GARIN5B: variants seen among roughly 807,000 people sequenced by gnomAD.
GARIN5B encodes Golgi-associated RAB2 interactor protein 5B.
At chr19:55,361,936 C>G in the GARIN5B span, among the ~76,000 whole-genome samples, 4 of 148,328 alleles carry the variant, frequency 2.7e-5, no homozygotes, top group Admixed American at 1.3e-4. Context: ...CCCCCAGTCC[C>G]TCCTCCCTCA....
chr19:55,362,199 G>A, the GARIN5B span: 2 of 1,472,038 alleles, frequency 1.4e-6, no homozygotes, highest in South Asian at 2.8e-5. Context: ...TGGCCGGAGG[G>A]TTCCTGGGGC....
chr19:55,362,756 C>T, the GARIN5B span: 1 of 1,516,492 alleles, frequency 6.6e-7, no homozygotes, highest in Non-Finnish European at 8.9e-7. Context: ...GGAGAGGGGG[C>T]TGGGACCACT....
chr19:55,355,378 G>A, the GARIN5B span: 6 of 1,549,182 alleles, frequency 3.9e-6, no homozygotes, highest in South Asian at 6.0e-5. Context: ...AGAGAGCTTT[G>A]GGGGACAGGG....
the GARIN5B span, chr19:55,363,124 C>G: frequency 7.1e-7 from 1 of 1,416,660 alleles, no homozygotes; most frequent in Non-Finnish European, 9.2e-7. This position sits in a 1 kb window ranked among gnomAD's most constrained non-coding sequence, Gnocchi z 4.0. Flanking sequence ...GTGCAGGCCT[C>G]CCAGCCCCGG....
At chr19:55,362,578 C>T in the GARIN5B span, 1 of 1,538,514 alleles carries the variant, frequency 6.5e-7, no homozygotes, top group Non-Finnish European at 8.8e-7. Context: ...GATGCGGCAC[C>T]TGGTCAGCAC....
the GARIN5B span, among the ~76,000 whole-genome samples, chr19:55,357,364 G>A: frequency 6.6e-6 from 1 of 152,140 alleles, no homozygotes; most frequent in Admixed American, 6.5e-5. Flanking sequence ...AAAATTGTCT[G>A]CAAAGTCCTC....
chr19:55,358,756 C>G, the GARIN5B span: 15 of 1,549,294 alleles, frequency 9.7e-6, no homozygotes, highest in South Asian at 1.8e-4. Context: ...TGGAGTTGGC[C>G]GTGATCATGA....
At chr19:55,360,755 T>C in the GARIN5B span, 2 of 1,551,690 alleles carry the variant, frequency 1.3e-6, no homozygotes, top group Non-Finnish European at 1.7e-6. Context: ...GTCCAGGTGG[T>C]GATGCTGGTC....
the GARIN5B span, chr19:55,358,298 G>C: frequency 9.8e-4 from 1,524 of 1,549,324 alleles, 15 homozygotes; most frequent in African/African-American, 0.019. Flanking sequence ...CATCCTCATG[G>C]GCTCCTGCGA....
At chr19:55,358,505 C>T in the GARIN5B span, 1 of 1,533,660 alleles carries the variant, frequency 6.5e-7, no homozygotes, top group African/African-American at 1.4e-5. Flanking sequence ...CTTGGGGTCC[C>T]AGGGTGGCTC....
the GARIN5B span, chr19:55,362,269 C>A: frequency 4.6e-6 from 7 of 1,533,860 alleles, no homozygotes; most frequent in East Asian, 7.3e-5. Flanking sequence ...TGGAGGCAGG[C>A]GCTTCGGCCA....
At chr19:55,358,140 G>T in the GARIN5B span, 20 of 1,462,264 alleles carry the variant, frequency 1.4e-5, no homozygotes, top group African/African-American at 5.7e-5. Context: ...GCTAACCCCC[G>T]CTACCTGGGC....
the GARIN5B span, chr19:55,362,506 G>T: frequency 1.3e-6 from 2 of 1,539,646 alleles, no homozygotes; most frequent in Non-Finnish European, 1.8e-6. Context: ...GGATCATCCT[G>T]GGAGAGGGAG....
the GARIN5B span, chr19:55,359,042 G>A: frequency 1.9e-6 from 3 of 1,551,338 alleles, no homozygotes; most frequent in African/African-American, 1.4e-5. Context: ...GGGCGACTCC[G>A]GGGACTTGGC....
the GARIN5B span, chr19:55,355,432 T>A: frequency 1.4e-6 from 2 of 1,394,356 alleles, no homozygotes; most frequent in East Asian, 5.1e-5. Context: ...TGCAGATGCC[T>A]GGCTTAGGAG....
chr19:55,356,910 G>A, the GARIN5B span, among the ~76,000 whole-genome samples: 1 of 152,068 alleles, frequency 6.6e-6, no homozygotes, highest in South Asian at 2.1e-4. Context: ...AATCAGCCGG[G>A]CGTGGTGGTG....
chr19:55,356,071 G>T, the GARIN5B span, among the ~76,000 whole-genome samples: 1 of 151,980 alleles, frequency 6.6e-6, no homozygotes, highest in Admixed American at 6.6e-5. Context: ...GCTGCCATGA[G>T]CCACGATCAC....
chr19:55,358,976 ACCT>A, the GARIN5B span: 9 of 1,550,720 alleles, frequency 5.8e-6, no homozygotes, highest in Middle Eastern at 3.3e-4. Context: ...CTCCAGGGTC[ACCT>A]CCTTGGTTTG....
At chr19:55,360,589 A>C in the GARIN5B span, 1 of 1,271,244 alleles carries the variant, frequency 7.9e-7, no homozygotes, top group Non-Finnish European at 1.1e-6. Flanking sequence ...CAGACCCAGG[A>C]GTCCAGGTCC....
Sources: allele counts gnomAD v4.1 joint callset (sites outside exome capture counted in the v4.1 genomes callset), GRCh38; gene constraint gnomAD v4.1.1; non-coding constraint Gnocchi (gnomAD v3.1); transcripts MANE v1.5; gene names NCBI Gene and HGNC (gene_info 2026-07-23, HGNC 2026-07-21).